Variants in ANKS1B observed in about 807,000 individuals in gnomAD.
The protein encoded by ANKS1B is ankyrin repeat and sterile alpha motif domain-containing protein 1B.
A neutral mutation model predicts 148.3 loss-of-function variants in ANKS1B; 36 were observed. That is an observed-to-expected ratio of 0.24 (90% CI 0.19 to 0.32). ANKS1B has a LOEUF of 0.32. ANKS1B is among the 10% of genes least tolerant of loss of function. The probability of loss-of-function intolerance (pLI) is 1.00; values close to 1 mark genes in which losing one functional copy is unlikely to be tolerated. For synonymous variants in ANKS1B, 542 were observed against 560.8 expected (o/e 0.97, Z 0.47); for missense variants, 1,157 against 1,542.6 (o/e 0.75, Z 4.19).
At chr12:99,621,460 G>GAA in intron 9 of ANKS1B, among the ~76,000 whole-genome samples, 1 of 132,794 alleles carries the variant, frequency 7.5e-6, no homozygotes, top group Admixed American at 7.4e-5. Flanking sequence ...GAGGCAAATT[G>GAA]GAAAAAAAAA....
intron 9 of ANKS1B, among the ~76,000 whole-genome samples, chr12:99,605,329 T>G (rs2097844132): frequency 6.6e-6 from 1 of 152,070 alleles, no homozygotes; most frequent in Admixed American, 6.6e-5. Context: ...TTGTTTGCAG[T>G]GAAAACATTA....
intron 15 of ANKS1B, among the ~76,000 whole-genome samples, chr12:99,087,056 T>C (rs2052130777): frequency 6.6e-6 from 1 of 152,106 alleles, no homozygotes; most frequent in Admixed American, 6.6e-5. Flanking sequence ...GACGTGGAGA[T>C]TGAACATGTG....
intron 1 of ANKS1B, among the ~76,000 whole-genome samples, chr12:99,878,976 G>T (rs772493879): frequency 2.6e-5 from 4 of 151,950 alleles, no homozygotes; most frequent in Non-Finnish European, 5.9e-5. Flanking sequence ...TGTTAGTTTT[G>T]ATCTCTTTTC....
chr12:99,207,314 C>T (rs2082790511), intron 14 of ANKS1B, among the ~76,000 whole-genome samples: 1 of 152,056 alleles, frequency 6.6e-6, no homozygotes, highest in African/African-American at 2.4e-5. Context: ...TATAGCTGAA[C>T]TTGTCATAGT....
At chr12:99,812,094 T>C in intron 3 of ANKS1B, 61 bp downstream of exon 3, 1 of 1,529,446 alleles carries the variant, frequency 6.5e-7, no homozygotes, top group Non-Finnish European at 8.8e-7. Flanking sequence ...ACATTTTCAA[T>C]ATGGCTTTGC....
At chr12:99,008,430 T>C (rs2099937411) in intron 17 of ANKS1B, among the ~76,000 whole-genome samples, 1 of 152,146 alleles carries the variant, frequency 6.6e-6, no homozygotes, top group Non-Finnish European at 1.5e-5. Flanking sequence ...GCAAAGGAAT[T>C]TGGAATATTA....
At chr12:99,714,290 A>C (rs1220516003) in intron 8 of ANKS1B, among the ~76,000 whole-genome samples, 3 of 152,196 alleles carry the variant, frequency 2.0e-5, no homozygotes, top group East Asian at 3.9e-4. Flanking sequence ...GTCTGGACCC[A>C]CAGAAGTAAT....
intron 17 of ANKS1B, among the ~76,000 whole-genome samples, chr12:98,881,148 T>A (rs952946888): frequency 2.0e-5 from 3 of 152,182 alleles, no homozygotes; most frequent in Non-Finnish European, 2.9e-5. Context: ...CATTTTATAT[T>A]TGGTATTTAA....
At chr12:99,660,458 G>A (rs1322489024) in intron 8 of ANKS1B, among the ~76,000 whole-genome samples, 13 of 148,000 alleles carry the variant, frequency 8.8e-5, no homozygotes, top group Admixed American at 8.3e-4. Flanking sequence ...CCACCTCCCA[G>A]GTTCAAGTGA....
intron 12 of ANKS1B, among the ~76,000 whole-genome samples, chr12:99,339,277 CCT>C (rs977493905): frequency 1.3e-5 from 2 of 152,140 alleles, no homozygotes; most frequent in African/African-American, 4.8e-5. Flanking sequence ...TGACTTCTCC[CCT>C]GTGTTGCTTT....
intron 9 of ANKS1B, among the ~76,000 whole-genome samples, chr12:99,524,331 T>C (rs1019783166): frequency 1.3e-5 from 2 of 152,146 alleles, no homozygotes; most frequent in Admixed American, 1.3e-4. Flanking sequence ...GGCAGAATAA[T>C]GGCTCTGAAA....
intron 9 of ANKS1B, among the ~76,000 whole-genome samples, chr12:99,525,355 A>C (rs2096916770): frequency 6.6e-6 from 1 of 152,194 alleles, no homozygotes; most frequent in African/African-American, 2.4e-5. Flanking sequence ...ACTCCAACTT[A>C]GTTCTTGACA....
intron 9 of ANKS1B, among the ~76,000 whole-genome samples, chr12:99,616,617 T>C (rs2097964879): frequency 6.6e-6 from 1 of 152,192 alleles, no homozygotes; most frequent in African/African-American, 2.4e-5. Flanking sequence ...AACCCCTTTC[T>C]TACATCTTAT....
intron 16 of ANKS1B, among the ~76,000 whole-genome samples, chr12:99,053,818 T>C (rs1373468333): frequency 1.3e-5 from 2 of 152,228 alleles, no homozygotes; most frequent in Non-Finnish European, 2.9e-5. Flanking sequence ...AACATACTGC[T>C]GCGGTGAACC....
At chr12:99,565,955 T>G (rs1446835048) in intron 9 of ANKS1B, among the ~76,000 whole-genome samples, 5 of 152,080 alleles carry the variant, frequency 3.3e-5, no homozygotes, top group African/African-American at 9.7e-5. Context: ...GGCCCTCAGG[T>G]TTGTGTGAAA....
intron 17 of ANKS1B, among the ~76,000 whole-genome samples, chr12:98,953,274 G>A (rs1166265056): frequency 1.3e-5 from 2 of 152,048 alleles, no homozygotes; most frequent in African/African-American, 4.8e-5. Context: ...ACCCACCTTG[G>A]CCTCCCAAAG....
intron 12 of ANKS1B, among the ~76,000 whole-genome samples, chr12:99,260,205 A>G (rs1438356103): frequency 6.6e-6 from 1 of 152,240 alleles, no homozygotes; most frequent in Admixed American, 6.5e-5. Flanking sequence ...ATTCTGAAGA[A>G]ATAAAACAAA....
intron 9 of ANKS1B, among the ~76,000 whole-genome samples, chr12:98,738,389 G>A (rs1450803736): frequency 6.6e-6 from 1 of 152,172 alleles, no homozygotes; most frequent in African/African-American, 2.4e-5. Context: ...GAGGGTGGTC[G>A]AGGCCTGAGT....
intron 15 of ANKS1B, among the ~76,000 whole-genome samples, chr12:99,085,593 G>A (rs958873516): frequency 2.0e-5 from 3 of 152,120 alleles, no homozygotes; most frequent in East Asian, 1.9e-4. Flanking sequence ...AGTCACAATA[G>A]CAAACACATA....
Sources: gnomAD v4.1 joint callset for allele counts (sites outside exome capture counted in the v4.1 genomes callset) on GRCh38, gnomAD v4.1.1 for gene constraint, MANE v1.5 for transcripts, NCBI Gene and HGNC (gene_info 2026-07-23, HGNC 2026-07-21) for gene names.